Variants in EIF4G3 observed in about 807,000 individuals in gnomAD.
The protein encoded by EIF4G3 is eIF-4-gamma 3.
In EIF4G3, 34 loss-of-function variants were observed where a neutral mutation model predicts 186.4. The observed-to-expected ratio is 0.18, with a 90% confidence interval of 0.14 to 0.24. The LOEUF is 0.24. Ranked by LOEUF, EIF4G3 falls within the 10% of genes least tolerant of loss-of-function variation. The pLI, the probability that EIF4G3 is intolerant of heterozygous loss-of-function variation, is 1.00. For missense variants in EIF4G3, 1,536 were observed against 1,948.5 expected, an observed-to-expected ratio of 0.79 and a Z score of 3.99; for synonymous variants, 673 against 679.5, an observed-to-expected ratio of 0.99 and a Z score of 0.15.
chr1:21,103,778 C>T (rs1353487175), intron 2 of EIF4G3, among the ~76,000 whole-genome samples: 1 of 151,854 alleles, frequency 6.6e-6, no homozygotes, highest in Non-Finnish European at 1.5e-5. Flanking sequence ...TGGGAGGCAG[C>T]GGTTGCAGTG....
intron 14 of EIF4G3, among the ~76,000 whole-genome samples, chr1:20,925,787 C>A (rs1174884741): frequency 6.6e-6 from 1 of 152,176 alleles, no homozygotes; most frequent in East Asian, 1.9e-4. Flanking sequence ...TCACCTCAGC[C>A]TTGCAAAGTG....
intron 2 of EIF4G3, among the ~76,000 whole-genome samples, chr1:21,098,554 AAAAAAAAAAG>A (rs1194775152): frequency 6.7e-6 from 1 of 149,282 alleles, no homozygotes; most frequent in Admixed American, 6.8e-5. Flanking sequence ...AAAAAAAAAA[AAAAAAAAAAG>A]AAGAAGAAGA....
At chr1:20,851,500 T>C (rs1172476304) in intron 27 of EIF4G3, 22 bp from the exon 28 acceptor site, 1 of 1,612,138 alleles carries the variant, frequency 6.2e-7, no homozygotes, top group South Asian at 1.1e-5. Context: ...AAACAACACT[T>C]TTCAAAGGAA....
In EIF4G3 at chr1:20,863,378, T is replaced by TAAAAAAAAAAAAAAAAAAAAA. The variant is rs3051243; in HGVS notation, c.3007-1067_3007-1047dup. On this transcript the variant is annotated intron_variant, in intron 22 of 36. Coordinates refer to ENST00000602326, the MANE Select transcript of EIF4G3 (RefSeq NM_001391906.1). ...TGAGACCCATCATCTCTACAAAAAG[T>TAAAAAAAAAAAAAAAAAAAAA]AAAAAAAAAAAAAAAAAAAAAAAAT... 3.1e-4 allele frequency among the ~76,000 whole-genome samples: 32 copies of TAAAAAAAAAAAAAAAAAAAAA among 102,486 alleles called. 1 individual carries two copies. Among genetic ancestry groups the TAAAAAAAAAAAAAAAAAAAAA allele is most frequent in the South Asian group, 1.5e-3 (5 of 3,402 alleles). 67.2% of individuals were successfully genotyped at this position (102,486 alleles called of 152,430 possible). A position where few individuals can be genotyped will look rare whatever the true frequency, so the allele number is the denominator to read the frequency against.
At position 20,886,237 on chromosome 1, in the gene EIF4G3, G is replaced by T; in HGVS notation, c.2388C>A (p.Asp796Glu). The T allele has an allele frequency of 6.2e-7, 1 of 1,613,954 alleles. No homozygotes were observed. Among genetic ancestry groups the T allele is most frequent in the South Asian group, 1.1e-5 (1 of 91,050 alleles). ...ENAWKPSQKR[D>E]SQADDPENIK... ...TGTTTTCGGGATCATCGGCTTGGCTGTCTCGTTTTTGGCTTGGCTTCCAGG... is the reference window on the plus strand; with the variant it reads ...TGTTTTCGGGATCATCGGCTTGGCTTTCTCGTTTTTGGCTTGGCTTCCAGG... The change falls in exon 19 of 37, where the codon GAC (aspartate) becomes GAA (glutamate). Residue 796 changes from aspartate to glutamate, a missense_variant. Asp to Glu is a conservative substitution (Grantham distance 45). Coordinates refer to ENST00000602326, the MANE Select transcript of EIF4G3 (RefSeq NM_001391906.1).
At chr1:20,907,006 C>T (rs1054441142) in intron 14 of EIF4G3, among the ~76,000 whole-genome samples, 1 of 152,100 alleles carries the variant, frequency 6.6e-6, no homozygotes, top group African/African-American at 2.4e-5. Context: ...GAGAGTGACA[C>T]AGATTTTCAT....
intron 14 of EIF4G3, 52 bp downstream of exon 14, chr1:20,941,439 C>A (rs1341326545): frequency 6.2e-7 from 1 of 1,608,774 alleles, no homozygotes; most frequent in Non-Finnish European, 8.5e-7. Context: ...AACTCAAACA[C>A]TGCCTCTTCT....
intron 19 of EIF4G3, among the ~76,000 whole-genome samples, chr1:20,883,806 A>T (rs2083206729): frequency 1.3e-5 from 2 of 152,196 alleles, no homozygotes; most frequent in African/African-American, 4.8e-5. Flanking sequence ...ATATCAGAAG[A>T]CTAGTTTTCA....
chr1:21,176,056 G>A, intron 2 of EIF4G3, 119 bp downstream of exon 2: 1 of 257,786 alleles, frequency 3.9e-6, no homozygotes, highest in Non-Finnish European at 7.3e-6. Flanking sequence ...AGGGGCTTGA[G>A]CCGCTGTCCC....
intron 12 of EIF4G3, among the ~76,000 whole-genome samples, chr1:20,951,440 T>G (rs746537319): frequency 1.3e-5 from 2 of 152,152 alleles, no homozygotes; most frequent in Non-Finnish European, 2.9e-5. Flanking sequence ...AATGGAGAGT[T>G]ACTGTTTTCA....
At chr1:20,857,615 G>T (rs1431857813) in intron 24 of EIF4G3, 118 bp from the exon 25 acceptor site, 3 of 870,436 alleles carry the variant, frequency 3.4e-6, no homozygotes, top group Admixed American at 3.7e-5. Context: ...TTAAAGCATT[G>T]ATGACAATAT....
At chr1:21,131,409 T>A (rs1450922576) in intron 2 of EIF4G3, among the ~76,000 whole-genome samples, 148 of 68,812 alleles carry the variant, frequency 2.2e-3, no homozygotes, top group East Asian at 4.0e-3. Context: ...AAAAAGAGAC[T>A]AAAAAAAAGA....
intron 27 of EIF4G3, among the ~76,000 whole-genome samples, chr1:20,852,713 A>G (rs2073730363): frequency 6.6e-6 from 1 of 152,210 alleles, no homozygotes; most frequent in Non-Finnish European, 1.5e-5. Flanking sequence ...AGTGCTTAGG[A>G]AGCAGAACCA....
At chr1:21,012,064 G>C (rs528961479) in intron 4 of EIF4G3, among the ~76,000 whole-genome samples, 29 of 152,120 alleles carry the variant, frequency 1.9e-4, no homozygotes, top group Non-Finnish European at 3.8e-4. Context: ...AAGTATAAAA[G>C]TTTGAGAACA....
chr1:20,824,269 C>A (rs982702138), intron 33 of EIF4G3, among the ~76,000 whole-genome samples: 1 of 152,196 alleles, frequency 6.6e-6, no homozygotes, highest in African/African-American at 2.4e-5. Flanking sequence ...CAGACTACAA[C>A]CAAAAAGAAA....
intron 7 of EIF4G3, among the ~76,000 whole-genome samples, chr1:20,992,533 ACTC>A (rs570517408): frequency 9.3e-5 from 14 of 150,886 alleles, no homozygotes; most frequent in Non-Finnish European, 1.0e-4. Context: ...TATGGCACAT[ACTC>A]CTCCTCCTCC....
intron 3 of EIF4G3, 80 bp downstream of exon 3, chr1:21,089,058 A>G (rs1258209602): frequency 9.1e-6 from 6 of 662,114 alleles, no homozygotes; most frequent in Non-Finnish European, 1.7e-5. Flanking sequence ...TGTGTCAATC[A>G]AACAAACACT....
intron 13 of EIF4G3, among the ~76,000 whole-genome samples, chr1:20,948,942 G>A (rs1030704347): frequency 1.4e-5 from 2 of 142,412 alleles, no homozygotes; most frequent in African/African-American, 2.6e-5. Context: ...CCAGGAGGAG[G>A]AGGTTGCAGT....
chr1:21,166,127 T>TTTTTTTTTTTTTTTGAG (rs1387588547), intron 2 of EIF4G3, among the ~76,000 whole-genome samples: 11 of 149,148 alleles, frequency 7.4e-5, no homozygotes, highest in East Asian at 5.9e-4. Context: ...TTTTTCCTTT[T>TTTTTTTTTTTTTTTGAG]AAAAATTCAT....
Sources: allele counts gnomAD v4.1 joint callset (sites outside exome capture counted in the v4.1 genomes callset), GRCh38; gene constraint gnomAD v4.1.1; transcripts MANE v1.5; gene names NCBI Gene and HGNC (gene_info 2026-07-23, HGNC 2026-07-21).